The following ANKS1B variants were observed in gnomAD, a reference collection of about 807,000 sequenced individuals.
The protein encoded by ANKS1B is ankyrin repeat and sterile alpha motif domain containing 1B.
Under a neutral mutation model 148.3 loss-of-function variants are expected in ANKS1B, and 36 were observed. The observed-to-expected ratio is 0.24, with a 90% CI of 0.19 to 0.32. The LOEUF is 0.32. ANKS1B is among the 10% of genes least tolerant of loss of function. The probability of loss-of-function intolerance (pLI) is 1.00; values close to 1 mark genes in which losing one functional copy is unlikely to be tolerated. For synonymous variants in ANKS1B, 542 were observed against 560.8 expected (o/e 0.97, Z 0.47); for missense variants, 1,157 against 1,542.6 (o/e 0.75, Z 4.19).
At chr12:99,161,035 A>G (rs2076603867) in intron 14 of ANKS1B, among the ~76,000 whole-genome samples, 1 of 152,172 alleles carries the variant, frequency 6.6e-6, no homozygotes, top group African/African-American at 2.4e-5. Context: ...TTTTTGGTTC[A>G]ACATGAATTT....
intron 19 of ANKS1B, among the ~76,000 whole-genome samples, chr12:98,809,156 C>T (rs375564399): frequency 8.5e-5 from 13 of 152,318 alleles, no homozygotes; most frequent in South Asian, 6.2e-4. Flanking sequence ...TCCCCAGGGT[C>T]TGACCAAAGG....
At chr12:99,916,035 T>A (rs1399379353) in intron 1 of ANKS1B, among the ~76,000 whole-genome samples, 2 of 152,224 alleles carry the variant, frequency 1.3e-5, no homozygotes, top group East Asian at 1.9e-4. Flanking sequence ...CAGTATGATC[T>A]CATGGTTACT....
chr12:99,520,277 T>C (rs1240721738), intron 9 of ANKS1B, among the ~76,000 whole-genome samples: 6 of 152,206 alleles, frequency 3.9e-5, no homozygotes, highest in African/African-American at 1.4e-4. Context: ...TGAAATCCCT[T>C]AGCTTTGGTT....
intron 15 of ANKS1B, among the ~76,000 whole-genome samples, chr12:99,148,924 G>T (rs1425620876): frequency 6.6e-6 from 1 of 152,000 alleles, no homozygotes; most frequent in Non-Finnish European, 1.5e-5. Flanking sequence ...TCAACATAAG[G>T]CCACCCACTC....
intron 4 of ANKS1B, among the ~76,000 whole-genome samples, chr12:99,796,330 A>C (rs2066250015): frequency 6.6e-6 from 1 of 151,920 alleles, no homozygotes; most frequent in South Asian, 2.1e-4. Context: ...TTTTCCTTTT[A>C]ATGTTTTCAG....
intron 8 of ANKS1B, among the ~76,000 whole-genome samples, chr12:99,751,035 A>C (rs1257579569): frequency 6.6e-6 from 1 of 151,996 alleles, no homozygotes; most frequent in Non-Finnish European, 1.5e-5. Flanking sequence ...ATATCCCTAG[A>C]ACTCAGTACA....
intron 1 of ANKS1B, among the ~76,000 whole-genome samples, chr12:99,835,261 A>T (rs1353908791): frequency 6.6e-6 from 1 of 151,312 alleles, no homozygotes; most frequent in African/African-American, 2.4e-5. Context: ...AAAAAAAAAA[A>T]AAAAAACACA....
intron 10 of ANKS1B, among the ~76,000 whole-genome samples, chr12:99,484,808 T>C (rs1194619346): frequency 6.6e-6 from 1 of 150,534 alleles, no homozygotes; most frequent in African/African-American, 2.4e-5. Flanking sequence ...GAAGTCAGTT[T>C]TGTTTGATAT....
chr12:99,272,750 A>G (rs2077187324), intron 12 of ANKS1B, among the ~76,000 whole-genome samples: 1 of 152,230 alleles, frequency 6.6e-6, no homozygotes, highest in Admixed American at 6.5e-5. Flanking sequence ...TTAAGGATAA[A>G]ACCTATAAAT....
chr12:99,282,462 CAT>C (rs2078599699), intron 12 of ANKS1B, among the ~76,000 whole-genome samples: 2 of 152,212 alleles, frequency 1.3e-5, no homozygotes, highest in South Asian at 4.2e-4. Flanking sequence ...AGAGATGTGA[CAT>C]GTGTTTTCAA....
intron 1 of ANKS1B, among the ~76,000 whole-genome samples, chr12:99,902,917 A>ATTGTTGTTGTTGTTG (rs3054225): frequency 4.3e-4 from 65 of 150,212 alleles, no homozygotes; most frequent in Admixed American, 1.0e-3. Flanking sequence ...CGCCCGGCTA[A>ATTGTTGTTGTTGTTG]TTGTTGTTGT....
At chr12:99,630,733 G>GT (rs897432083) in intron 9 of ANKS1B, among the ~76,000 whole-genome samples, 8 of 152,190 alleles carry the variant, frequency 5.3e-5, no homozygotes, top group African/African-American at 1.7e-4. Context: ...CTAGTGGGGA[G>GT]TAACAGGAGC....
chr12:99,328,835 G>A (rs1056712215), intron 12 of ANKS1B, among the ~76,000 whole-genome samples: 2 of 151,694 alleles, frequency 1.3e-5, no homozygotes, highest in African/African-American at 2.4e-5. Context: ...TTAAAATATT[G>A]AAACTTACAT....
In ANKS1B at chr12:98,796,203, A is replaced by G. The variant is rs142501400; in HGVS notation, c.3342+2731T>C. On this transcript the variant is annotated intron_variant, in intron 22 of 26. Transcript: ENST00000683438. ...AAGTACATTTAAGGAAACATTGATC[A>G]GAATTGGGAACCACAGTGATTTACT... Among the ~76,000 whole-genome samples the G allele has an allele frequency of 5.6e-4, 85 of 152,350 alleles. 1 individual carries two copies. Among genetic ancestry groups the G allele is most frequent in the African/African-American group, 1.9e-3 (78 of 41,576 alleles).
chr12:99,919,791 A>AAAC (rs1555246071), intron 1 of ANKS1B, among the ~76,000 whole-genome samples: 1 of 151,796 alleles, frequency 6.6e-6, no homozygotes, highest in Non-Finnish European at 1.5e-5. Context: ...AAAAAAAAAA[A>AAAC]AAACCTGGAT....
chr12:99,894,322 AGGGAGGG>A (rs1565945242), intron 1 of ANKS1B, among the ~76,000 whole-genome samples: 1 of 94,010 alleles, frequency 1.1e-5, no homozygotes, highest in Non-Finnish European at 2.0e-5. Flanking sequence ...GGAGGGAGGG[AGGGAGGG>A]AAAGAAAAGA....
intron 24 of ANKS1B, among the ~76,000 whole-genome samples, chr12:98,777,902 T>C (rs1201865685): frequency 6.6e-6 from 1 of 152,340 alleles, no homozygotes; most frequent in East Asian, 1.9e-4. Context: ...CAATGAATTA[T>C]CACACAATGA....
intron 8 of ANKS1B, 71 bp downstream of exon 8, chr12:99,772,851 T>C (rs1470269793): frequency 7.0e-7 from 1 of 1,429,466 alleles, no homozygotes; most frequent in Non-Finnish European, 9.4e-7. Context: ...CCACATCCCA[T>C]ACCTCTTAAG....
chr12:99,849,221 T>C (rs2087255373), intron 1 of ANKS1B, among the ~76,000 whole-genome samples: 1 of 152,056 alleles, frequency 6.6e-6, no homozygotes, highest in African/African-American at 2.4e-5. Flanking sequence ...TTTGGACAGA[T>C]ATTTCAAAAA....
Sources: gnomAD v4.1 joint callset for allele counts (sites outside exome capture counted in the v4.1 genomes callset) on GRCh38, gnomAD v4.1.1 for gene constraint, MANE v1.5 for transcripts, NCBI Gene and HGNC (gene_info 2026-07-23, HGNC 2026-07-21) for gene names.